The following WBP1L variants were observed in gnomAD, a reference collection of about 807,000 sequenced individuals.
WBP1L encodes WW domain binding protein 1 like, also known as WW domain binding protein 1-like.
A neutral mutation model predicts 33.7 loss-of-function variants in WBP1L; 17 were observed. That is an observed-to-expected ratio of 0.50 (90% CI 0.34 to 0.76). The LOEUF (loss-of-function observed/expected upper bound fraction) is 0.76. Ranked by LOEUF, WBP1L falls within the 30% of genes least tolerant of loss-of-function variation. The pLI, the probability that WBP1L is intolerant of heterozygous loss-of-function variation, is 0.01. For synonymous variants in WBP1L, 173 were observed against 190.8 expected, an observed-to-expected ratio of 0.91 and a Z score of 0.77; for missense variants, 389 against 469.4, an observed-to-expected ratio of 0.83 and a Z score of 1.58.
At chr10:102,757,787 A>G (rs1244723279) in intron 1 of WBP1L, among the ~76,000 whole-genome samples, 1 of 150,000 alleles carries the variant, frequency 6.7e-6, no homozygotes. Context: ...GTGTTGACCA[A>G]GCTGGTCTTG....
intron 1 of WBP1L, among the ~76,000 whole-genome samples, chr10:102,779,526 T>C (rs1403117546): frequency 1.3e-5 from 2 of 151,914 alleles, no homozygotes; most frequent in Non-Finnish European, 2.9e-5. Flanking sequence ...GATCTCAAAC[T>C]CCTGACCTCA....
intron 1 of WBP1L, among the ~76,000 whole-genome samples, chr10:102,784,551 A>T (rs575310321): frequency 1.4e-5 from 2 of 147,952 alleles, no homozygotes; most frequent in Non-Finnish European, 1.5e-5. Context: ...CCAGCCTCCC[A>T]AGTAGCTGGG....
chr10:102,810,165 C>T, intron 3 of WBP1L, 111 bp downstream of exon 3: 2 of 1,371,002 alleles, frequency 1.5e-6, no homozygotes, highest in South Asian at 2.8e-5. Context: ...GGTTTGTCCT[C>T]TCCCTGCCCC....
intron 2 of WBP1L, among the ~76,000 whole-genome samples, chr10:102,800,248 T>C (rs1265677830): frequency 6.6e-6 from 1 of 152,202 alleles, no homozygotes; most frequent in Non-Finnish European, 1.5e-5. Context: ...GCCACAGAGC[T>C]GTAGTTTGTT....
At position 102,766,831 on chromosome 10, in the gene WBP1L, CAAA is replaced by C. The variant is rs60853653; in HGVS notation, c.90+22699_90+22701del. ...TGAGCGACAGAGCGAGACTCTGTCT[CAAA>C]AAAAAAAAAAGCAAAAAACAAATTT... On this transcript the variant is annotated intron_variant, in intron 1 of 3. Transcript: ENST00000448841. Among the ~76,000 whole-genome samples the C allele has an allele frequency of 5.7e-4, 83 of 144,972 alleles. 1 individual carries two copies. In the East Asian group the frequency reaches 6.3e-3, roughly 11 times the overall value.
intron 1 of WBP1L, among the ~76,000 whole-genome samples, chr10:102,745,617 C>T (rs1205327824): frequency 2.0e-5 from 3 of 152,220 alleles, no homozygotes; most frequent in South Asian, 2.1e-4. Flanking sequence ...CCATCCACAT[C>T]GTAGCATGTA....
chr10:102,775,848 AAT>A (rs1843254289), intron 1 of WBP1L, among the ~76,000 whole-genome samples: 1 of 152,148 alleles, frequency 6.6e-6, no homozygotes, highest in African/African-American at 2.4e-5. Flanking sequence ...GAGGAGAAAC[AAT>A]ACTCTAGGAG....
At chr10:102,772,070 C>T (rs1269794663) in intron 1 of WBP1L, among the ~76,000 whole-genome samples, 1 of 149,964 alleles carries the variant, frequency 6.7e-6, no homozygotes, top group African/African-American at 2.5e-5. Flanking sequence ...ACTCCATTCT[C>T]CTGCCTCAGC....
intron 1 of WBP1L, among the ~76,000 whole-genome samples, chr10:102,756,921 T>G (rs1200253218): frequency 6.7e-6 from 1 of 148,400 alleles, no homozygotes; most frequent in African/African-American, 2.5e-5. Flanking sequence ...AGAGTCTCGA[T>G]CTGTTGCCCA....
At chr10:102,789,884 A>G (rs1000655157) in intron 1 of WBP1L, among the ~76,000 whole-genome samples, 1 of 151,496 alleles carries the variant, frequency 6.6e-6, no homozygotes, top group African/African-American at 2.4e-5. Flanking sequence ...CTGGGACTAC[A>G]GGCGCCCGCC....
intron 2 of WBP1L, among the ~76,000 whole-genome samples, chr10:102,806,923 T>C (rs984686138): frequency 6.6e-6 from 1 of 152,056 alleles, no homozygotes; most frequent in African/African-American, 2.4e-5. Context: ...ATTGTGTATA[T>C]ACAAATAAGG....
intron 1 of WBP1L, among the ~76,000 whole-genome samples, chr10:102,760,045 A>G (rs899554335): frequency 1.3e-5 from 2 of 152,188 alleles, no homozygotes; most frequent in Admixed American, 1.3e-4. Context: ...AATTACAGCC[A>G]TGCTAGTGGG....
At chr10:102,758,940 C>T (rs1843007457) in intron 1 of WBP1L, among the ~76,000 whole-genome samples, 1 of 152,220 alleles carries the variant, frequency 6.6e-6, no homozygotes, top group Admixed American at 6.5e-5. Flanking sequence ...TTAAGACTTT[C>T]ACTATTTCTT....
intron 1 of WBP1L, among the ~76,000 whole-genome samples, chr10:102,755,130 A>G (rs1842960645): frequency 6.6e-6 from 1 of 151,330 alleles, no homozygotes; most frequent in African/African-American, 2.4e-5. Context: ...TTGTATTTTA[A>G]CTAGAGACGG....
intron 1 of WBP1L, among the ~76,000 whole-genome samples, chr10:102,793,791 C>T (rs1264731913): frequency 1.3e-5 from 2 of 151,052 alleles, no homozygotes; most frequent in Admixed American, 6.6e-5. Context: ...TTTTTTGAGA[C>T]AGGGTCTGGC....
At chr10:102,752,621 A>G (rs1041675063) in intron 1 of WBP1L, among the ~76,000 whole-genome samples, 8 of 152,146 alleles carry the variant, frequency 5.3e-5, no homozygotes, top group African/African-American at 1.2e-4. Context: ...TCCCAGTGAA[A>G]GCCTGATGGT....
intron 1 of WBP1L, among the ~76,000 whole-genome samples, chr10:102,772,828 C>T (rs1843209455): frequency 6.6e-6 from 1 of 151,916 alleles, no homozygotes; most frequent in Non-Finnish European, 1.5e-5. Context: ...CCTCAGCCTC[C>T]CAAAGTACTA....
rs144708314 is a variant in WBP1L at position 102,796,368 on chromosome 10, C to T, written c.91-1625C>T. Among the ~76,000 whole-genome samples, 18 of 152,278 alleles carry T rather than the reference C, an allele frequency of 1.2e-4. No individual in the cohort carries two copies. In the East Asian group the frequency reaches 2.9e-3, roughly 24 times the overall value. On this transcript the variant is annotated intron_variant, in intron 1 of 3. Coordinates refer to ENST00000448841, the MANE Select transcript of WBP1L (RefSeq NM_001083913.2). The stretch of plus-strand genomic sequence containing the variant: ...TTTATGGTGGAAACGTGCACTAAGC[C>T]GGGGAACTGGTTTTCAGTCCTGTGC...
chr10:102,744,514 G>A (rs556236150), intron 1 of WBP1L: 2 of 973,758 alleles, frequency 2.1e-6, no homozygotes, highest in African/African-American at 3.5e-5. Context: ...GTGTGTGTAG[G>A]GGTACACAGG....
Sources: allele counts gnomAD v4.1 joint callset (sites outside exome capture counted in the v4.1 genomes callset), GRCh38; gene constraint gnomAD v4.1.1; transcripts MANE v1.5; gene names NCBI Gene and HGNC (gene_info 2026-07-23, HGNC 2026-07-21).